Variants in COL19A1 observed in about 807,000 individuals in gnomAD.
The protein encoded by COL19A1 is collagen alpha-1(XIX) chain.
In COL19A1, 159 loss-of-function variants were observed where a neutral mutation model predicts 190.2. That is an observed-to-expected ratio of 0.84 (90% CI 0.73 to 0.95). The LOEUF (loss-of-function observed/expected upper bound fraction) is 0.95, where lower values mean the gene tolerates loss of function less well. Among genes scored for constraint, COL19A1 ranks in the 40% least tolerant of loss-of-function variants. The probability of loss-of-function intolerance (pLI) is 0.00; values close to 1 mark genes in which losing one functional copy is unlikely to be tolerated. For missense variants in COL19A1, 1,418 were observed against 1,431.9 expected (o/e 0.99, Z 0.16); for synonymous variants, 509 against 458.9 (o/e 1.11, Z -1.39).
In COL19A1 at chr6:70,212,309, A is replaced by G. The variant is rs1344974951; in HGVS notation, c.*5035A>G. Among the ~76,000 whole-genome samples the G allele has an allele frequency of 1.3e-5, 2 of 152,070 alleles. No homozygotes were observed. Among genetic ancestry groups the G allele is most frequent in the African/African-American group, 4.8e-5 (2 of 41,414 alleles). On this transcript the variant is annotated 3_prime_UTR_variant, in exon 51 of 51. Coordinates refer to ENST00000620364, the MANE Select transcript of COL19A1 (RefSeq NM_001858.6). ...ATCTTACCTCATCAAACTCTTTACG[A>G]TTTAATTGAATATACTCATGTTAAG... is the stretch of plus-strand genomic sequence containing the variant.
chr6:70,132,083 GA>G (rs1255674735), intron 18 of COL19A1, among the ~76,000 whole-genome samples: 1 of 152,044 alleles, frequency 6.6e-6, no homozygotes, highest in African/African-American at 2.4e-5. Flanking sequence ...TGATTAACAG[GA>G]AATTGCCAAT....
intron 4 of COL19A1, among the ~76,000 whole-genome samples, chr6:69,906,246 T>A (rs1770540923): frequency 6.6e-6 from 1 of 152,222 alleles, no homozygotes; most frequent in East Asian, 1.9e-4. Flanking sequence ...ATGCTGTTGG[T>A]TCTGAAGGAG....
Position 69,940,539 on chromosome 6 carries a change from A to T in COL19A1, c.936+2439A>T, listed in dbSNP as rs185978801. On this transcript the variant is annotated intron_variant, in intron 9 of 50. Transcript: ENST00000620364. ...ATGTCAAATCTATAAAATATACAAA[A>T]ATGTATCTTAGAGTAACAATGCATT... Among the ~76,000 whole-genome samples, 19 of 152,314 alleles carry T rather than the reference A, an allele frequency of 1.2e-4. No homozygotes were observed. In the East Asian group the frequency reaches 3.7e-3, roughly 29 times the overall value.
intron 48 of COL19A1, among the ~76,000 whole-genome samples, chr6:70,191,432 C>T (rs1030061620): frequency 6.6e-6 from 1 of 152,102 alleles, no homozygotes; most frequent in African/African-American, 2.4e-5. Context: ...AGCAGGTTGG[C>T]TGACCCTATA....
At chr6:70,189,543 G>A (rs1753258) in intron 47 of COL19A1, among the ~76,000 whole-genome samples, 115,974 of 152,090 alleles carry the variant, frequency 0.76, 45,067 homozygotes, top group African/African-American at 0.91. Flanking sequence ...ATAAAGAGTA[G>A]TAAAATACTT....
chr6:70,163,521 C>A (rs1787948866), intron 36 of COL19A1, 125 bp downstream of exon 36: 1 of 820,366 alleles, frequency 1.2e-6, no homozygotes, highest in Non-Finnish European at 1.9e-6. Context: ...GTAGAAAGTA[C>A]CTATTCTTGT....
At chr6:69,980,446 G>T (rs772407576) in intron 11 of COL19A1, among the ~76,000 whole-genome samples, 2 of 151,926 alleles carry the variant, frequency 1.3e-5, no homozygotes, top group Non-Finnish European at 2.9e-5. Context: ...TCAAAACAAA[G>T]CAATAAATAC....
At chr6:70,187,298 T>C (rs1766589445) in intron 46 of COL19A1, among the ~76,000 whole-genome samples, 1 of 152,072 alleles carries the variant, frequency 6.6e-6, no homozygotes, top group South Asian at 2.1e-4. Context: ...CCCGTGGGTA[T>C]ATATTTAGGG....
intron 11 of COL19A1, among the ~76,000 whole-genome samples, chr6:69,969,747 T>C (rs1358918950): frequency 1.3e-5 from 2 of 152,158 alleles, no homozygotes; most frequent in African/African-American, 2.4e-5. Flanking sequence ...TCAGCAGGGA[T>C]CCTGGAACCA....
At chr6:69,888,331 C>T (rs567891627) in intron 2 of COL19A1, among the ~76,000 whole-genome samples, 3 of 152,192 alleles carry the variant, frequency 2.0e-5, no homozygotes, top group Non-Finnish European at 4.4e-5. Flanking sequence ...AAAAACTTTA[C>T]TCTTTTGCCA....
In COL19A1 at chr6:70,180,410, G is replaced by A. The variant is rs1436641540; in HGVS notation, c.2713-51G>A. ...TGTACTTGTGTTGTACTTGCATGCAGTTTTAAAACATTTGTTGGCAATTAA... is the reference window on the plus strand; with the variant it reads ...TGTACTTGTGTTGTACTTGCATGCAATTTTAAAACATTTGTTGGCAATTAA... On this transcript the variant is annotated intron_variant, in intron 43 of 50. Coordinates refer to ENST00000620364, the MANE Select transcript of COL19A1 (RefSeq NM_001858.6). 5.0e-6 allele frequency: 8 copies of A among 1,614,022 alleles called. No homozygotes were observed. The Middle Eastern group carries it at 6.6e-4, about 133-fold the overall frequency.
intron 11 of COL19A1, among the ~76,000 whole-genome samples, chr6:70,020,741 G>T (rs756092277): frequency 1.3e-5 from 2 of 152,066 alleles, no homozygotes; most frequent in Non-Finnish European, 2.9e-5. Context: ...GAGCAAGGAT[G>T]ATACTAACCA....
chr6:69,995,936 G>C (rs762509993), intron 11 of COL19A1, among the ~76,000 whole-genome samples: 2 of 152,114 alleles, frequency 1.3e-5, no homozygotes, highest in Non-Finnish European at 2.9e-5. Flanking sequence ...AATTCATTTA[G>C]TTGAAAGAAT....
chr6:69,897,100 A>G (rs950062828), intron 2 of COL19A1, among the ~76,000 whole-genome samples: 2 of 152,152 alleles, frequency 1.3e-5, no homozygotes, highest in Admixed American at 6.5e-5. Context: ...TGGATGCTTT[A>G]CTGTTTTACC....
In COL19A1 at chr6:70,168,637, T is replaced by C; in HGVS notation, c.2542-18T>C. On this transcript the variant is annotated intron_variant, in intron 39 of 50. Coordinates refer to ENST00000620364, the MANE Select transcript of COL19A1 (RefSeq NM_001858.6). Reference sequence around the variant, plus strand: ...TTGGTCATTATTTGAAAAATGACTTTCCATGTTTCTCTTACAGGGCCCAAA... The same window carrying C: ...TTGGTCATTATTTGAAAAATGACTTCCCATGTTTCTCTTACAGGGCCCAAA... 2.5e-6 allele frequency: 4 copies of C among 1,612,092 alleles called. No homozygotes were observed. Among genetic ancestry groups the C allele is most frequent in the Non-Finnish European group, 3.4e-6 (4 of 1,179,210 alleles).
chr6:69,900,002 TTGAAA>T (rs1770061815), intron 3 of COL19A1, among the ~76,000 whole-genome samples: 2 of 152,318 alleles, frequency 1.3e-5, no homozygotes, highest in Admixed American at 1.3e-4. Context: ...TTGAGTTTTT[TTGAAA>T]TATATTCATG....
At chr6:70,146,922 C>A in intron 27 of COL19A1, 33 bp downstream of exon 27, 1 of 1,517,744 alleles carries the variant, frequency 6.6e-7, no homozygotes, top group Non-Finnish European at 8.8e-7. Flanking sequence ...CTTGTTGATT[C>A]CAACATTGTG....
At chr6:70,064,545 T>C (rs887458334) in intron 14 of COL19A1, among the ~76,000 whole-genome samples, 4 of 152,152 alleles carry the variant, frequency 2.6e-5, no homozygotes, top group South Asian at 2.1e-4. Context: ...CTTTGAAAAC[T>C]GGCACAAGAC....
intron 11 of COL19A1, 148 bp downstream of exon 11, chr6:69,963,018 T>A (rs1774892351): frequency 3.9e-6 from 2 of 509,994 alleles, no homozygotes; most frequent in Non-Finnish European, 6.7e-6. Flanking sequence ...TCCATTGAGG[T>A]AGAATAAATA....
Sources: gnomAD v4.1 joint callset for allele counts (sites outside exome capture counted in the v4.1 genomes callset) on GRCh38, gnomAD v4.1.1 for gene constraint, MANE v1.5 for transcripts, NCBI Gene and HGNC (gene_info 2026-07-23, HGNC 2026-07-21) for gene names.